DUSP7: variants seen among roughly 807,000 people sequenced by gnomAD.
The protein encoded by DUSP7 is dual specificity protein phosphatase 7.
A neutral mutation model predicts 29.8 loss-of-function variants in DUSP7; 7 were observed. That is an observed-to-expected ratio of 0.24 (90% CI 0.13 to 0.44). DUSP7 has a LOEUF of 0.44. Among genes scored for constraint, DUSP7 ranks in the 20% least tolerant of loss-of-function variants. DUSP7 has a pLI of 1.00. For missense variants in DUSP7, 400 were observed against 583.7 expected (o/e 0.69, Z 3.24); for synonymous variants, 287 against 275.4 (o/e 1.04, Z -0.42).
Position 52,056,239 on chromosome 3 carries a change from G to A in DUSP7, c.128C>T (p.Ala43Val), listed in dbSNP as rs925298817. The A allele has an allele frequency of 7.9e-6, 11 of 1,394,626 alleles. No homozygotes were observed. The highest frequency in any genetic ancestry group is 5.9e-5 in the East Asian group (2 of 33,644). The allele number at this position is 1,394,626 out of a possible 1,614,324, so 86.4% of individuals were successfully genotyped here. A position where few individuals can be genotyped will look rare whatever the true frequency, so the allele number is the denominator to read the frequency against. ...GGCCCCTGCCCCCGTCGCCGCGCCC[G>A]CCCCGGTGCCTGCGCCGGACCCCGA... The part of the protein sequence containing the change: ...AGSGSGAGTG[A>V]GAATGAGAMP... The change falls in exon 1 of 3, where the codon GCG becomes GTG. Residue 43 changes from alanine (A) to valine (V), a missense_variant. Physicochemically the swap from Ala to Val is moderately conservative, Grantham distance 64. Around this residue, in one of 4 missense-constraint regions of DUSP7, gnomAD observed 96 missense variants for 97.1 expected, o/e 0.99. Transcript: ENST00000495880. This position sits in a 1 kb window ranked among gnomAD's most constrained non-coding sequence, Gnocchi z 6.4.
Position 52,056,058 on chromosome 3 carries a change from G to A in DUSP7, c.309C>T (p.Arg103=), listed in dbSNP as rs1256484184. 6.2e-7 allele frequency: 1 copy of A among 1,603,218 alleles called. No individual in the cohort carries two copies. The highest frequency in any genetic ancestry group is 1.3e-5 in the African/African-American group (1 of 74,872). Residue 103 remains arginine, a synonymous_variant, in exon 1 of 3, where the codon CGC becomes CGT. Coordinates refer to ENST00000495880, the MANE Select transcript of DUSP7 (RefSeq NM_001947.4). This position sits in a 1 kb window ranked among gnomAD's most constrained non-coding sequence, Gnocchi z 6.4. ...NLAIPGLMLR[R]LRKGNLPIRS... is the part of the protein sequence containing the mutation. Reference sequence around the variant, plus strand: ...GGATGGGCAGGTTGCCCTTGCGCAGGCGGCGCAACATGAGGCCCGGGATGG... The same window carrying A: ...GGATGGGCAGGTTGCCCTTGCGCAGACGGCGCAACATGAGGCCCGGGATGG...
rs1407983038 is a variant in DUSP7 at position 52,049,694 on chromosome 3, CAAGA to C, written c.*1117_*1120del. 2.1e-5 allele frequency: 3 copies of C among 143,492 alleles called. No individual in the cohort carries two copies. Among genetic ancestry groups the C allele is most frequent in the African/African-American group, 5.2e-5 (2 of 38,144 alleles). The allele number at this position is 143,492 out of a possible 1,614,324, so 8.9% of individuals were successfully genotyped here. Reference sequence around the variant, plus strand: ...ACTGGGCCTCCACTCCCAGTTACAACAAGAGAGAGGAAAGGAAGAGAGAGGGAGG... The same window carrying C: ...ACTGGGCCTCCACTCCCAGTTACAACGAGAGGAAAGGAAGAGAGAGGGAGG... On this transcript the variant is annotated 3_prime_UTR_variant, in exon 3 of 3. Coordinates refer to ENST00000495880, the MANE Select transcript of DUSP7 (RefSeq NM_001947.4).
At chr3:52,052,006 C>T (rs1211462347) in intron 2 of DUSP7, 1 of 152,412 alleles carries the variant, frequency 6.6e-6, no homozygotes, top group African/African-American at 2.4e-5. Flanking sequence ...TGTCCCCTTT[C>T]CCCTCCAACC....
Position 52,053,867 on chromosome 3 carries a change from GC to G in DUSP7, c.952+72del, listed in dbSNP as rs1178009084. 6.4e-7 allele frequency: 1 copy of G among 1,555,636 alleles called. No individual in the cohort carries two copies. Among genetic ancestry groups the G allele is most frequent in the Admixed American group, 1.7e-5 (1 of 59,176 alleles). ...AACAGGCCCAGAGGTACCCAGTCAG[GC>G]GGGGGCGCCACCCAGAGTCCTGCAT... is the stretch of plus-strand genomic sequence containing the variant. On this transcript the variant is annotated intron_variant, in intron 2 of 2. Transcript: ENST00000495880. This position sits in a 1 kb window ranked among gnomAD's most constrained non-coding sequence, Gnocchi z 4.6.
In DUSP7 at chr3:52,054,409, G is replaced by T. The variant is rs762170489; in HGVS notation, c.518-35C>A. The T allele has an allele frequency of 4.7e-6, 7 of 1,503,026 alleles. No individual in the cohort carries two copies. The East Asian group carries it at 1.4e-4, about 29-fold the overall frequency. 93.1% of individuals were successfully genotyped at this position (1,503,026 alleles called of 1,614,324 possible). A position where few individuals can be genotyped will look rare whatever the true frequency, so the allele number is the denominator to read the frequency against. On this transcript the variant is annotated intron_variant, in intron 1 of 2. Transcript: ENST00000495880. This position sits in a 1 kb window ranked among gnomAD's most constrained non-coding sequence, Gnocchi z 4.1. ...GGGTGAGACAGGGCCTGGGTGAGAGGCTGGTGAGAGCCCAGATGGGCTGCA... is the reference window on the plus strand; with the variant it reads ...GGGTGAGACAGGGCCTGGGTGAGAGTCTGGTGAGAGCCCAGATGGGCTGCA...
At position 52,056,142 on chromosome 3, in the gene DUSP7, G is replaced by A. The variant is rs148092517; in HGVS notation, c.225C>T (p.Leu75=). 87 of 1,600,680 alleles carry A rather than the reference G, an allele frequency of 5.4e-5. No homozygotes were observed. The African/African-American group carries it at 1.1e-3, about 20-fold the overall frequency. ...EARGGASLLL[L]DCRPHELFES... is the part of the protein sequence containing the mutation. ...CGAAGAGCTCGTGCGGCCGGCAGTC[G>A]AGCAGCAGCAAGGACGCGCCGCCGC... Residue 75 remains leucine (L), a synonymous_variant, in exon 1 of 3, where the codon CTC becomes CTT. Coordinates refer to ENST00000495880, the MANE Select transcript of DUSP7 (RefSeq NM_001947.4). This position sits in a 1 kb window ranked among gnomAD's most constrained non-coding sequence, Gnocchi z 6.4.
chr3:52,053,930 C>T lies in DUSP7; in HGVS notation c.952+10G>A, dbSNP rs369778785. ...CACCCACACCCCCCTGCCCAGCACA[C>T]AGCACCTACCAATGAAGCTGATGGC... On this transcript the variant is annotated intron_variant, in intron 2 of 2. Transcript: ENST00000495880. The surrounding 1 kb of genome is among the most constrained non-coding windows in gnomAD (Gnocchi z 4.6). The T allele has an allele frequency of 6.1e-5, 99 of 1,613,932 alleles. No individual in the cohort carries two copies. The highest frequency in any genetic ancestry group is 4.0e-4 in the Admixed American group (24 of 60,004).
Position 52,049,131 on chromosome 3 carries a change from G to A in DUSP7, c.*1684C>T, listed in dbSNP as rs1006892168. ...GGGTTTTCTTTTTAAAAATAAAAGA[G>A]AGAAAAAGAGAACCATGTACAGCAT... On this transcript the variant is annotated 3_prime_UTR_variant, in exon 3 of 3. Coordinates refer to ENST00000495880, the MANE Select transcript of DUSP7 (RefSeq NM_001947.4). 6.6e-6 allele frequency: 1 copy of A among 152,178 alleles called. No homozygotes were observed. Among genetic ancestry groups the A allele is most frequent in the Non-Finnish European group, 1.5e-5 (1 of 68,038 alleles). The allele number at this position is 152,178 out of a possible 1,614,324, so 9.4% of individuals were successfully genotyped here. A position where few individuals can be genotyped will look rare whatever the true frequency, so the allele number is the denominator to read the frequency against.
chr3:52,055,802 G>T, intron 1 of DUSP7, 48 bp downstream of exon 1: 1 of 1,479,070 alleles, frequency 6.8e-7, no homozygotes. Context: ...GCGTCAGGGA[G>T]TCGCGGGGGG....
At position 52,054,754 on chromosome 3, in the gene DUSP7, A is replaced by G. The variant is rs1211456154; in HGVS notation, c.518-380T>C. On this transcript the variant is annotated intron_variant, in intron 1 of 2. Coordinates refer to ENST00000495880, the MANE Select transcript of DUSP7 (RefSeq NM_001947.4). This position sits in a 1 kb window ranked among gnomAD's most constrained non-coding sequence, Gnocchi z 4.1. The stretch of plus-strand genomic sequence containing the variant: ...GGTGTTCAGTAACAGCTAAGTGGTA[A>G]AGAAAAGCAGACAACCCCATCTTAG... Among the ~76,000 whole-genome samples, 1 of 152,206 alleles carries G rather than the reference A, an allele frequency of 6.6e-6. No homozygotes were observed. The highest frequency in any genetic ancestry group is 2.4e-5 in the African/African-American group (1 of 41,462).
Position 52,050,276 on chromosome 3 carries a change from T to G in DUSP7, c.*539A>C, listed in dbSNP as rs1701832282. On this transcript the variant is annotated 3_prime_UTR_variant, in exon 3 of 3. Transcript: ENST00000495880. The surrounding 1 kb of genome is among the most constrained non-coding windows in gnomAD (Gnocchi z 5.0). ...AAACACGATACTTGCTTTTTGAAAT[T>G]GAACGAAAAACAAAACTGAACATTT... 6.6e-6 allele frequency: 1 copy of G among 151,502 alleles called. No homozygotes were observed. The highest frequency in any genetic ancestry group is 2.1e-4 in the South Asian group (1 of 4,816). 9.4% of individuals were successfully genotyped at this position (151,502 alleles called of 1,614,324 possible).
rs778512515 is a variant in DUSP7, at chr3:52,054,811, T to C, written c.518-437A>G. On this transcript the variant is annotated intron_variant, in intron 1 of 2. Coordinates refer to ENST00000495880, the MANE Select transcript of DUSP7 (RefSeq NM_001947.4). This position sits in a 1 kb window ranked among gnomAD's most constrained non-coding sequence, Gnocchi z 4.1. ...CCTCTGGGTTGGCAAACTCCTCTTA[T>C]AGATGAGACCACAGGTGCCAGAGCC... Among the ~76,000 whole-genome samples the C allele has an allele frequency of 2.0e-5, 3 of 152,194 alleles. No individual in the cohort carries two copies. Among genetic ancestry groups the C allele is most frequent in the Non-Finnish European group, 2.9e-5 (2 of 68,024 alleles).
chr3:52,056,500 G>A lies in DUSP7; in HGVS notation c.-134C>T, dbSNP rs949504408. 3 of 282,220 alleles carry A rather than the reference G, an allele frequency of 1.1e-5. No individual in the cohort carries two copies. Among genetic ancestry groups the A allele is most frequent in the African/African-American group, 2.3e-5 (1 of 43,204 alleles). 17.5% of individuals were successfully genotyped at this position (282,220 alleles called of 1,614,324 possible). A position where few individuals can be genotyped will look rare whatever the true frequency, so the allele number is the denominator to read the frequency against. On this transcript the variant is annotated 5_prime_UTR_variant, in exon 1 of 3. Coordinates refer to ENST00000495880, the MANE Select transcript of DUSP7 (RefSeq NM_001947.4). The surrounding 1 kb of genome is among the most constrained non-coding windows in gnomAD (Gnocchi z 6.4). ...GCGCGCCCGCCGCCCCGGCCTCCCG[G>A]CCTCCCGGCCTCCGTCCCGCCCGCC...
rs370925922 is a variant in DUSP7, at chr3:52,054,521, G to A, written c.518-147C>T. On this transcript the variant is annotated intron_variant, in intron 1 of 2. Transcript: ENST00000495880. This position sits in a 1 kb window ranked among gnomAD's most constrained non-coding sequence, Gnocchi z 4.1. ...GCCATGCCAAGCATGTTACACGTGTGCCCTCTCTCGTGTTCTCTCCATCTA... is the reference window on the plus strand; with the variant it reads ...GCCATGCCAAGCATGTTACACGTGTACCCTCTCTCGTGTTCTCTCCATCTA... 2 of 635,194 alleles carry A rather than the reference G, an allele frequency of 3.1e-6. No homozygotes were observed. Among genetic ancestry groups the A allele is most frequent in the South Asian group, 2.3e-5 (1 of 43,804 alleles). The allele number at this position is 635,194 out of a possible 1,614,324, so 39.3% of individuals were successfully genotyped here.
rs1323552397 is a variant in DUSP7 at position 52,050,860 on chromosome 3, G to A, written c.1215C>T (p.Pro405=). The A allele has an allele frequency of 1.2e-6, 2 of 1,613,986 alleles. No individual in the cohort carries two copies. The highest frequency in any genetic ancestry group is 1.7e-5 in the Admixed American group (1 of 60,012). The change falls in exon 3 of 3, where the codon CCC becomes CCT. Residue 405 remains proline (P), a synonymous_variant. Transcript: ENST00000495880. This position sits in a 1 kb window ranked among gnomAD's most constrained non-coding sequence, Gnocchi z 5.0. The stretch of plus-strand genomic sequence containing the variant: ...TGAGTGGGAACAGGTTGTGGTTGGT[G>A]GGCGTGGAAAAGTAGAGCTGCTCAC... ...ASSEQLYFST[P]TNHNLFPLNT... is the part of the protein sequence containing the mutation.
rs1701877440 is a variant in DUSP7, at chr3:52,054,383, AG to A, written c.518-10del. ...AAACTTGTTGAAACCACCTGTGTCC[AG>A]GGTGAGACAGGGCCTGGGTGAGAGG... On this transcript the variant is annotated splice_polypyrimidine_tract_variant and intron_variant, in intron 1 of 2. Coordinates refer to ENST00000495880, the MANE Select transcript of DUSP7 (RefSeq NM_001947.4). The surrounding 1 kb of genome is among the most constrained non-coding windows in gnomAD (Gnocchi z 4.1). 21 of 1,521,506 alleles carry A rather than the reference AG, an allele frequency of 1.4e-5. No individual in the cohort carries two copies. The highest frequency in any genetic ancestry group is 1.8e-5 in the Non-Finnish European group (20 of 1,135,380). The allele number at this position is 1,521,506 out of a possible 1,614,324, so 94.3% of individuals were successfully genotyped here.
chr3:52,056,072 G>A lies in DUSP7; in HGVS notation c.295C>T (p.Leu99Phe), dbSNP rs2106895217. The change falls in exon 1 of 3, where the codon CTC (leucine) becomes TTC (phenylalanine). Residue 99 changes from leucine (L) to phenylalanine (F), a missense_variant. Around this residue, in one of 4 missense-constraint regions of DUSP7, gnomAD observed 223 missense variants for 360.9 expected, o/e 0.62. Transcript: ENST00000495880. This position sits in a 1 kb window ranked among gnomAD's most constrained non-coding sequence, Gnocchi z 6.4. ...CCCTTGCGCAGGCGGCGCAACATGA[G>A]GCCCGGGATGGCCAGGTTGATGGCC... Reference protein sequence around the residue: ...ETAINLAIPGLMLRRLRKGNL... With the variant: ...ETAINLAIPGFMLRRLRKGNL... 6.2e-7 allele frequency: 1 copy of A among 1,605,694 alleles called. No individual in the cohort carries two copies. The highest frequency in any genetic ancestry group is 1.3e-5 in the African/African-American group (1 of 74,930).
chr3:52,050,952 T>C lies in DUSP7; in HGVS notation c.1123A>G (p.Met375Val). ...CGCTCAAAGTCCAGCAGCTGCCCCA[T>C]GAAGTTGAAGTTGGGCGAGATGTTG... The part of the protein sequence containing the change: ...KSNISPNFNF[M>V]GQLLDFERTL... Residue 375 changes from methionine to valine, a missense_variant, in exon 3 of 3, where the codon ATG becomes GTG. Physicochemically the swap from Met to Val is conservative, Grantham distance 21. This residue lies in a region of DUSP7 where 75 missense variants were observed against 95.0 expected (regional missense o/e 0.79). Coordinates refer to ENST00000495880, the MANE Select transcript of DUSP7 (RefSeq NM_001947.4). The surrounding 1 kb of genome is among the most constrained non-coding windows in gnomAD (Gnocchi z 5.0). 1 of 1,614,242 alleles carries C rather than the reference T, an allele frequency of 6.2e-7. No individual in the cohort carries two copies. Among genetic ancestry groups the C allele is most frequent in the Non-Finnish European group, 8.5e-7 (1 of 1,180,026 alleles).
Position 52,056,416 on chromosome 3 carries a change from C to A in DUSP7, c.-50G>T. ...GGGGCCGGGCAGCCCTGCCCTGGGACGGCGCCCCGGCCGCGCGGGCCCCAG... is the reference window on the plus strand; with the variant it reads ...GGGGCCGGGCAGCCCTGCCCTGGGAAGGCGCCCCGGCCGCGCGGGCCCCAG... On this transcript the variant is annotated 5_prime_UTR_variant, in exon 1 of 3. Coordinates refer to ENST00000495880, the MANE Select transcript of DUSP7 (RefSeq NM_001947.4). The surrounding 1 kb of genome is among the most constrained non-coding windows in gnomAD (Gnocchi z 6.4). 1 of 949,584 alleles carries A rather than the reference C, an allele frequency of 1.1e-6. No individual in the cohort carries two copies. The highest frequency in any genetic ancestry group is 5.3e-4 in the Middle Eastern group (1 of 1,900). The allele number at this position is 949,584 out of a possible 1,614,324, so 58.8% of individuals were successfully genotyped here.
Sources: allele counts gnomAD v4.1 joint callset (sites outside exome capture counted in the v4.1 genomes callset), GRCh38; gene constraint gnomAD v4.1.1; regional missense constraint gnomAD v4.1.1; non-coding constraint Gnocchi (gnomAD v3.1); transcripts MANE v1.5; gene names NCBI Gene and HGNC (gene_info 2026-07-23, HGNC 2026-07-21).